Variants in LSAMP observed in about 807,000 individuals in gnomAD.
LSAMP encodes the protein limbic system-associated membrane protein.
LSAMP carries 7 observed loss-of-function variants against 38.6 expected under a neutral mutation model. That is an observed-to-expected ratio of 0.18 (90% CI 0.10 to 0.34). LSAMP has a LOEUF of 0.34. Among genes scored for constraint, LSAMP ranks in the 10% least tolerant of loss-of-function variants. The probability of loss-of-function intolerance (pLI) is 1.00; values close to 1 mark genes in which losing one functional copy is unlikely to be tolerated. For synonymous variants in LSAMP, 154 were observed against 166.8 expected (o/e 0.92, Z 0.59); for missense variants, 313 against 420.0 (o/e 0.75, Z 2.23).
chr3:115,860,450 CA>C (rs1935642417), intron 3 of LSAMP, among the ~76,000 whole-genome samples: 1 of 152,128 alleles, frequency 6.6e-6, no homozygotes, highest in South Asian at 2.1e-4. Context: ...TTCTTTCTTT[CA>C]AGTATAGAGT....
intron 3 of LSAMP, among the ~76,000 whole-genome samples, chr3:115,968,895 C>T (rs1378076828): frequency 6.6e-6 from 1 of 152,218 alleles, no homozygotes; most frequent in African/African-American, 2.4e-5. Flanking sequence ...GGCAATTCCC[C>T]TCTGGCTAGG....
intron 1 of LSAMP, among the ~76,000 whole-genome samples, chr3:116,090,288 C>A (rs1253025319): frequency 6.6e-6 from 1 of 151,744 alleles, no homozygotes; most frequent in Non-Finnish European, 1.5e-5. Flanking sequence ...TAGAGGTCTA[C>A]GTTTATTAAG....
At chr3:116,197,734 G>A (rs936973666) in intron 1 of LSAMP, among the ~76,000 whole-genome samples, 4 of 152,088 alleles carry the variant, frequency 2.6e-5, no homozygotes, top group South Asian at 2.1e-4. Context: ...TCAGGGATCC[G>A]TATTTTTATT....
chr3:116,235,062 C>A (rs913610664), intron 1 of LSAMP, among the ~76,000 whole-genome samples: 5 of 152,002 alleles, frequency 3.3e-5, no homozygotes, highest in Non-Finnish European at 5.9e-5. Flanking sequence ...TAATTTGGAA[C>A]ATGCCATTAT....
intron 6 of LSAMP, among the ~76,000 whole-genome samples, chr3:115,821,253 T>C (rs11923152): frequency 0.01 from 1,580 of 152,308 alleles, 31 homozygotes; most frequent in African/African-American, 0.036. Context: ...TCTTAGGAAA[T>C]CTTCATATCT....
At chr3:115,831,458 G>A (rs370302208) in intron 6 of LSAMP, among the ~76,000 whole-genome samples, 105 of 152,222 alleles carry the variant, frequency 6.9e-4, no homozygotes, top group Middle Eastern at 3.4e-3. Flanking sequence ...AATTTTCTGA[G>A]GCTGGTTTCA....
At chr3:116,234,090 T>C (rs1282594740) in intron 1 of LSAMP, among the ~76,000 whole-genome samples, 1 of 152,210 alleles carries the variant, frequency 6.6e-6, no homozygotes, top group Non-Finnish European at 1.5e-5. Context: ...AATACAGTGA[T>C]ATCAAGGATC....
intron 3 of LSAMP, among the ~76,000 whole-genome samples, chr3:115,911,189 C>CAATAAATG (rs1367293261): frequency 1.3e-5 from 2 of 152,092 alleles, no homozygotes; most frequent in Non-Finnish European, 2.9e-5. Flanking sequence ...GGTAAAAGCT[C>CAATAAATG]AATAAATGAC....
chr3:116,414,284 C>A (rs2049020413), intron 1 of LSAMP, among the ~76,000 whole-genome samples: 1 of 152,080 alleles, frequency 6.6e-6, no homozygotes, highest in Non-Finnish European at 1.5e-5. Flanking sequence ...ATACCCCCTA[C>A]TCCTTCAGTA....
chr3:116,168,911 T>C (rs1197707795), intron 1 of LSAMP, among the ~76,000 whole-genome samples: 1 of 152,190 alleles, frequency 6.6e-6, no homozygotes, highest in South Asian at 2.1e-4. Context: ...TTGAGAGAGA[T>C]AGAGATATAA....
intron 3 of LSAMP, among the ~76,000 whole-genome samples, chr3:115,896,578 A>T (rs1233881726): frequency 6.6e-6 from 1 of 152,060 alleles, no homozygotes; most frequent in Non-Finnish European, 1.5e-5. Flanking sequence ...GTAGAATGAG[A>T]TCTGACTCTT....
At chr3:115,843,567 ACT>A (rs1172976464) in intron 4 of LSAMP, among the ~76,000 whole-genome samples, 1 of 152,106 alleles carries the variant, frequency 6.6e-6, no homozygotes, top group Non-Finnish European at 1.5e-5. Context: ...AGACCCAGAC[ACT>A]CTGTTTAGAC....
chr3:115,959,457 A>G (rs1304241442), intron 3 of LSAMP, among the ~76,000 whole-genome samples: 1 of 152,190 alleles, frequency 6.6e-6, no homozygotes, highest in Non-Finnish European at 1.5e-5. Context: ...TTAATATAAA[A>G]CTTTGGTTGG....
chr3:116,005,997 T>C (rs1428747247), intron 3 of LSAMP, among the ~76,000 whole-genome samples: 2 of 152,098 alleles, frequency 1.3e-5, no homozygotes, highest in Non-Finnish European at 2.9e-5. Flanking sequence ...AACAGGGCAA[T>C]TAAAAATCTG....
At chr3:116,278,171 G>A (rs2047079297) in intron 1 of LSAMP, among the ~76,000 whole-genome samples, 1 of 152,242 alleles carries the variant, frequency 6.6e-6, no homozygotes, top group South Asian at 2.1e-4. Flanking sequence ...GATTATCAGA[G>A]CAATTCTAGC....
intron 1 of LSAMP, among the ~76,000 whole-genome samples, chr3:116,146,196 C>T (rs1467313738): frequency 6.6e-6 from 1 of 151,822 alleles, no homozygotes; most frequent in Non-Finnish European, 1.5e-5. Context: ...GCTTTCTGAT[C>T]TGTATTGGCC....
In LSAMP at chr3:115,946,827, A is replaced by G. The variant is rs1453358977; in HGVS notation, c.514+72688T>C. Reference sequence around the variant, plus strand: ...AGAAAGCCTGACCAAAAATATACGAATAAAATAAAGAGTAAAATAACAGGC... The same window carrying G: ...AGAAAGCCTGACCAAAAATATACGAGTAAAATAAAGAGTAAAATAACAGGC... On this transcript the variant is annotated intron_variant, in intron 3 of 6. Transcript: ENST00000490035. Among the ~76,000 whole-genome samples the G allele has an allele frequency of 2.6e-5, 4 of 152,248 alleles. No individual in the cohort carries two copies. The East Asian group carries it at 7.7e-4, about 29-fold the overall frequency.
chr3:116,033,780 T>C (rs1204225232), intron 2 of LSAMP, among the ~76,000 whole-genome samples: 4 of 151,946 alleles, frequency 2.6e-5, no homozygotes, highest in Non-Finnish European at 4.4e-5. Flanking sequence ...TGGGTTCATA[T>C]AGAAAAAAAA....
At chr3:115,996,480 A>T (rs1576292801) in intron 3 of LSAMP, among the ~76,000 whole-genome samples, 2 of 152,280 alleles carry the variant, frequency 1.3e-5, no homozygotes, top group East Asian at 3.9e-4. Flanking sequence ...GTAATAAAAC[A>T]AATCTGCTAA....
Sources: gnomAD v4.1 joint callset for allele counts (sites outside exome capture counted in the v4.1 genomes callset) on GRCh38, gnomAD v4.1.1 for gene constraint, MANE v1.5 for transcripts, NCBI Gene and HGNC (gene_info 2026-07-23, HGNC 2026-07-21) for gene names.